The following ASTN2 variants were observed in gnomAD, a reference collection of about 807,000 sequenced individuals.
ASTN2 encodes the protein astrotactin-2.
ASTN2 carries 54 observed loss-of-function variants against 139.8 expected under a neutral mutation model. The observed-to-expected ratio is 0.39, with a 90% confidence interval of 0.31 to 0.48. The LOEUF (loss-of-function observed/expected upper bound fraction) is 0.48. ASTN2 is among the 20% of genes least tolerant of loss of function. ASTN2 has a pLI of 0.95. For synonymous variants in ASTN2, 756 were observed against 719.5 expected (o/e 1.05, Z -0.81); for missense variants, 1,565 against 1,725.1 (o/e 0.91, Z 1.64).
chr9:116,856,553 T>C (rs1020421002), intron 11 of ASTN2, among the ~76,000 whole-genome samples: 8 of 152,154 alleles, frequency 5.3e-5, no homozygotes, highest in Admixed American at 5.2e-4. Context: ...GAAAAGCCGG[T>C]CTCTCTCCCC....
At chr9:117,028,880 T>C (rs73519351) in intron 6 of ASTN2, among the ~76,000 whole-genome samples, 4,077 of 152,236 alleles carry the variant, frequency 0.027, 189 homozygotes, top group African/African-American at 0.093. Context: ...TCCCTCTCCA[T>C]TTAAGATACT....
intron 2 of ASTN2, among the ~76,000 whole-genome samples, chr9:117,258,562 A>G (rs762346326): frequency 1.3e-4 from 20 of 152,090 alleles, no homozygotes; most frequent in Non-Finnish European, 2.1e-4. Context: ...ATCACTTTCT[A>G]TTCACATTTC....
intron 1 of ASTN2, among the ~76,000 whole-genome samples, chr9:117,352,184 T>C (rs1829412647): frequency 6.6e-6 from 1 of 152,114 alleles, no homozygotes; most frequent in African/African-American, 2.4e-5. Context: ...AAACAATTAC[T>C]CTCTCATGAG....
chr9:116,980,231 T>C (rs1190923254), intron 7 of ASTN2, among the ~76,000 whole-genome samples: 1 of 152,060 alleles, frequency 6.6e-6, no homozygotes, highest in Non-Finnish European at 1.5e-5. Context: ...CTCCTAGAGC[T>C]GATGTAAGAA....
At chr9:117,401,457 C>T (rs940273776) in intron 1 of ASTN2, among the ~76,000 whole-genome samples, 5 of 152,052 alleles carry the variant, frequency 3.3e-5, no homozygotes, top group African/African-American at 4.8e-5. Flanking sequence ...GAGAAAAAGG[C>T]AAATTATTTA....
At chr9:116,565,126 CAT>C (rs1403325561) in intron 19 of ASTN2, among the ~76,000 whole-genome samples, 2 of 151,184 alleles carry the variant, frequency 1.3e-5, no homozygotes, top group Non-Finnish European at 2.9e-5. Flanking sequence ...TAGTGTGATT[CAT>C]ATGTTTTCCA....
chr9:117,239,423 T>C (rs1477361482), intron 2 of ASTN2, among the ~76,000 whole-genome samples: 1 of 152,146 alleles, frequency 6.6e-6, no homozygotes, highest in Non-Finnish European at 1.5e-5. Flanking sequence ...TCTCTCTCTA[T>C]AAAAGCCCAG....
At chr9:116,481,841 T>C (rs1199095385) in intron 20 of ASTN2, among the ~76,000 whole-genome samples, 2 of 152,172 alleles carry the variant, frequency 1.3e-5, no homozygotes, top group Non-Finnish European at 2.9e-5. Context: ...AGTTAGGAAG[T>C]TCTCTTCCAC....
intron 11 of ASTN2, among the ~76,000 whole-genome samples, chr9:116,827,368 T>G (rs1206088805): frequency 6.9e-6 from 1 of 145,308 alleles, no homozygotes; most frequent in African/African-American, 2.5e-5. Context: ...ACACCCAAAG[T>G]AAGCAGGAGA....
intron 1 of ASTN2, among the ~76,000 whole-genome samples, chr9:117,393,642 G>T (rs926496086): frequency 7.9e-5 from 12 of 152,260 alleles, no homozygotes; most frequent in African/African-American, 2.9e-4. Context: ...AAACAATGAT[G>T]AAAGAAAGCT....
At chr9:116,973,818 C>T (rs1836274442) in intron 10 of ASTN2, among the ~76,000 whole-genome samples, 1 of 152,130 alleles carries the variant, frequency 6.6e-6, no homozygotes, top group South Asian at 2.1e-4. Flanking sequence ...ATTTCATATC[C>T]TAAGTGCCAT....
intron 5 of ASTN2, among the ~76,000 whole-genome samples, chr9:117,093,328 G>A (rs1828753550): frequency 6.6e-6 from 1 of 152,126 alleles, no homozygotes; most frequent in African/African-American, 2.4e-5. Context: ...CAGGTTTCAA[G>A]TAATTTTAAT....
chr9:117,291,243 G>A, intron 2 of ASTN2, 83 bp downstream of exon 2: 1 of 1,515,662 alleles, frequency 6.6e-7, no homozygotes, highest in East Asian at 2.4e-5. Flanking sequence ...TCCATCTGTG[G>A]ACAATCCCCC....
At chr9:117,365,096 C>T (rs1829800908) in intron 1 of ASTN2, among the ~76,000 whole-genome samples, 1 of 150,970 alleles carries the variant, frequency 6.6e-6, no homozygotes, top group African/African-American at 2.4e-5. Context: ...TTGCAGTAAG[C>T]CAACATCACT....
At chr9:117,265,367 A>G (rs944783344) in intron 2 of ASTN2, among the ~76,000 whole-genome samples, 1 of 152,098 alleles carries the variant, frequency 6.6e-6, no homozygotes, top group Non-Finnish European at 1.5e-5. Context: ...CTGTTAACCA[A>G]CTCCCAACAA....
intron 1 of ASTN2, among the ~76,000 whole-genome samples, chr9:117,293,530 G>A (rs1337210658): frequency 6.6e-6 from 1 of 152,202 alleles, no homozygotes; most frequent in Admixed American, 6.5e-5. Flanking sequence ...ACGAAGGTTT[G>A]TCAGCACTTA....
At chr9:116,652,740 A>ATCATTTCTCCT (rs1236502542) in intron 16 of ASTN2, among the ~76,000 whole-genome samples, 1 of 152,232 alleles carries the variant, frequency 6.6e-6, no homozygotes. Context: ...TGGAAAAGAC[A>ATCATTTCTCCT]TCATTTCTCC....
chr9:116,763,222 T>C (rs1339121209), intron 13 of ASTN2, among the ~76,000 whole-genome samples: 10 of 152,320 alleles, frequency 6.6e-5, no homozygotes, highest in African/African-American at 2.4e-4. Context: ...TCGTTTGGCA[T>C]GCAGTAGGTG....
At chr9:116,634,202 A>G (rs1267029068) in intron 17 of ASTN2, among the ~76,000 whole-genome samples, 1 of 152,226 alleles carries the variant, frequency 6.6e-6, no homozygotes, top group Non-Finnish European at 1.5e-5. Flanking sequence ...AAATAATGTC[A>G]GATCTATATA....
Sources: gnomAD v4.1 joint callset for allele counts (sites outside exome capture counted in the v4.1 genomes callset) on GRCh38, gnomAD v4.1.1 for gene constraint, MANE v1.5 for transcripts, NCBI Gene and HGNC (gene_info 2026-07-23, HGNC 2026-07-21) for gene names.